The following RPS6KA2 variants were observed in gnomAD, a reference collection of about 807,000 sequenced individuals.
The protein encoded by RPS6KA2 is ribosomal protein S6 kinase alpha-2.
Under a neutral mutation model 91.8 loss-of-function variants are expected in RPS6KA2, and 42 were observed. That is an observed-to-expected ratio of 0.46 (90% CI 0.36 to 0.59). The LOEUF is 0.59. Ranked by LOEUF, RPS6KA2 falls within the 20% of genes least tolerant of loss-of-function variation. The pLI, the probability that RPS6KA2 is intolerant of heterozygous loss-of-function variation, is 0.00. For missense variants in RPS6KA2, 798 were observed against 978.5 expected, an observed-to-expected ratio of 0.82 and a Z score of 2.46; for synonymous variants, 414 against 393.6, an observed-to-expected ratio of 1.05 and a Z score of -0.61.
upstream of RPS6KA2, chr6:166,628,105 C>T (rs1768368701): frequency 2.6e-5 from 4 of 152,300 alleles, no homozygotes; most frequent in African/African-American, 9.6e-5. Flanking sequence ...TTATCAGGGC[C>T]CGCGCTGGGA....
chr6:166,576,969 T>A (rs1784853930), intron 1 of RPS6KA2, among the ~76,000 whole-genome samples: 1 of 152,094 alleles, frequency 6.6e-6, no homozygotes, highest in South Asian at 2.1e-4. Flanking sequence ...AGGGACTTGG[T>A]GCCCTGCATC....
intron 2 of RPS6KA2, among the ~76,000 whole-genome samples, chr6:166,835,645 C>T (rs1780298926): frequency 6.6e-6 from 1 of 152,216 alleles, no homozygotes. Flanking sequence ...GCTGCTTTTG[C>T]AGATAATTTG....
chr6:166,610,492 C>T (rs1011502925), intron 1 of RPS6KA2, among the ~76,000 whole-genome samples: 11 of 152,240 alleles, frequency 7.2e-5, no homozygotes, highest in African/African-American at 9.6e-5. Context: ...GGGTTACACA[C>T]TTCATGAGGC....
intron 2 of RPS6KA2, chr6:166,701,676 G>A: frequency 7.9e-7 from 1 of 1,267,848 alleles, no homozygotes; most frequent in Non-Finnish European, 1.2e-6. Context: ...GCCCTGAGGT[G>A]GGAGGTGGCA....
intron 1 of RPS6KA2, among the ~76,000 whole-genome samples, chr6:166,545,761 T>A (rs151111891): frequency 1.7e-4 from 26 of 152,320 alleles, no homozygotes; most frequent in African/African-American, 5.8e-4. Flanking sequence ...TCTTCCCTTC[T>A]TCTCAGCCCT....
At position 166,413,908 on chromosome 6, in the gene RPS6KA2, G is replaced by A. The variant is rs55949962; in HGVS notation, c.1962C>T (p.His654=). The A allele has an allele frequency of 1.2e-3, 1,963 of 1,614,076 alleles. 2 individuals carry two copies. The highest frequency in any genetic ancestry group is 1.4e-3 in the Non-Finnish European group (1,700 of 1,180,000). Residue 654 remains histidine (H), a synonymous_variant, in exon 20 of 21, where the codon CAC becomes CAT. Coordinates refer to ENST00000265678, the MANE Select transcript of RPS6KA2 (RefSeq NM_021135.6). ...AAKDVVSKML[H]VDPHQRLTAM... Reference sequence around the variant, plus strand: ...CCGTCAGGCGCTGATGAGGGTCCACGTGGAGCATCTTGGACACGACGTCCT... The same window carrying A: ...CCGTCAGGCGCTGATGAGGGTCCACATGGAGCATCTTGGACACGACGTCCT...
At position 166,533,458 on chromosome 6, in the gene RPS6KA2, A is replaced by G. The variant is rs1783366462; in HGVS notation, c.217-2145T>C. Among the ~76,000 whole-genome samples, 1 of 152,208 alleles carries G rather than the reference A, an allele frequency of 6.6e-6. No individual in the cohort carries two copies. Among genetic ancestry groups the G allele is most frequent in the African/African-American group, 2.4e-5 (1 of 41,460 alleles). On this transcript the variant is annotated intron_variant, in intron 2 of 20. Coordinates refer to ENST00000265678, the MANE Select transcript of RPS6KA2 (RefSeq NM_021135.6). The surrounding 1 kb of genome is among the most constrained non-coding windows in gnomAD (Gnocchi z 4.0). ...TCGGAGGGGGTGTGGAACAAGGGACAGTTGTGTTTGTGGCAGGGACGCCAC... is the reference window on the plus strand; with the variant it reads ...TCGGAGGGGGTGTGGAACAAGGGACGGTTGTGTTTGTGGCAGGGACGCCAC...
chr6:166,434,943 T>C lies in RPS6KA2; in HGVS notation c.1333-2453A>G, dbSNP rs569096078. ...AGGAAGGAGGAAACATTTAATTGCC[T>C]TGCCTTCCTGTGAGGAGGGGAACAG... On this transcript the variant is annotated intron_variant, in intron 14 of 20. Transcript: ENST00000265678. The surrounding 1 kb of genome is among the most constrained non-coding windows in gnomAD (Gnocchi z 4.4). 1.3e-5 allele frequency among the ~76,000 whole-genome samples: 2 copies of C among 152,262 alleles called. No homozygotes were observed. Among genetic ancestry groups the C allele is most frequent in the Admixed American group, 1.3e-4 (2 of 15,300 alleles).
chr6:166,786,366 G>C (rs1051514606), intron 2 of RPS6KA2, among the ~76,000 whole-genome samples: 1 of 152,082 alleles, frequency 6.6e-6, no homozygotes, highest in Non-Finnish European at 1.5e-5. Context: ...AAGCAAACCA[G>C]TTAAAAGGAG....
intron 2 of RPS6KA2, among the ~76,000 whole-genome samples, chr6:166,680,881 A>G (rs1731744521): frequency 6.6e-6 from 1 of 152,226 alleles, no homozygotes; most frequent in Non-Finnish European, 1.5e-5. Context: ...GGCACAGTTC[A>G]AACTTCAGTC....
intron 15 of RPS6KA2, among the ~76,000 whole-genome samples, chr6:166,431,669 T>G (rs1779136757): frequency 6.6e-6 from 1 of 152,106 alleles, no homozygotes. Context: ...CAGGCTGGAG[T>G]GCAATGGTGT....
chr6:166,833,197 A>T (rs1780230240), intron 2 of RPS6KA2, among the ~76,000 whole-genome samples: 1 of 152,260 alleles, frequency 6.6e-6, no homozygotes, highest in South Asian at 2.1e-4. Context: ...GTGGTGAAAT[A>T]GACTCACAGC....
rs1344754096 is a variant in RPS6KA2 at position 166,849,658 on chromosome 6, T to C, written c.123+8542A>G. Among the ~76,000 whole-genome samples the C allele has an allele frequency of 6.6e-6, 1 of 152,180 alleles. No individual in the cohort carries two copies. Among genetic ancestry groups the C allele is most frequent in the Admixed American group, 6.5e-5 (1 of 15,288 alleles). ...CTATTAACTTGGAGATAGGCATTTA[T>C]TGGGCTAAATCCTCACGTAGAATGA... On this transcript the variant is annotated intron_variant, in intron 2 of 21. Coordinates refer to the RPS6KA2 transcript ENST00000503859. This position sits in a 1 kb window ranked among gnomAD's most constrained non-coding sequence, Gnocchi z 4.9.
intron 1 of RPS6KA2, among the ~76,000 whole-genome samples, chr6:166,617,240 T>G (rs1786447611): frequency 6.6e-6 from 1 of 152,240 alleles, no homozygotes; most frequent in African/African-American, 2.4e-5. Flanking sequence ...CAAACATCCT[T>G]ATTGACTTTT....
chr6:166,608,283 G>A (rs1391962253), intron 1 of RPS6KA2, among the ~76,000 whole-genome samples: 1 of 152,076 alleles, frequency 6.6e-6, no homozygotes, highest in Non-Finnish European at 1.5e-5. Context: ...TCCCCCAGAG[G>A]GTAGACAACG....
At chr6:166,803,943 A>G (rs1779429020) in intron 2 of RPS6KA2, among the ~76,000 whole-genome samples, 1 of 152,254 alleles carries the variant, frequency 6.6e-6, no homozygotes, top group South Asian at 2.1e-4. Flanking sequence ...GAAATGTGCT[A>G]ATGTCTTTTT....
At chr6:166,679,362 G>A (rs1433162950) in intron 2 of RPS6KA2, among the ~76,000 whole-genome samples, 1 of 152,036 alleles carries the variant, frequency 6.6e-6, no homozygotes, top group African/African-American at 2.4e-5. Flanking sequence ...TATTCAGGAG[G>A]CTGAGGCAGA....
At chr6:166,624,605 G>A (rs1786767314) in intron 1 of RPS6KA2, among the ~76,000 whole-genome samples, 1 of 152,070 alleles carries the variant, frequency 6.6e-6, no homozygotes, top group South Asian at 2.1e-4. Context: ...TCTATGTCTC[G>A]TGTCTTTTTG....
At chr6:166,600,557 G>A (rs1225380991) in intron 1 of RPS6KA2, among the ~76,000 whole-genome samples, 3 of 152,186 alleles carry the variant, frequency 2.0e-5, no homozygotes. Context: ...ATTCCTGATG[G>A]GTTTTGAGAT....
Sources: gnomAD v4.1 joint callset for allele counts (sites outside exome capture counted in the v4.1 genomes callset) on GRCh38, gnomAD v4.1.1 for gene constraint, Gnocchi (gnomAD v3.1) non-coding constraint, MANE v1.5 for transcripts, NCBI Gene and HGNC (gene_info 2026-07-23, HGNC 2026-07-21) for gene names.